Variants in AATF observed in about 807,000 individuals in gnomAD.
AATF encodes protein AATF.
A neutral mutation model predicts 63.7 loss-of-function variants in AATF; 48 were observed. That is an observed-to-expected ratio of 0.75 (90% CI 0.60 to 0.96). AATF has a LOEUF of 0.96. Among genes scored for constraint, AATF ranks in the 40% least tolerant of loss-of-function variants. AATF has a pLI of 0.00. For missense variants in AATF, 639 were observed against 685.7 expected (o/e 0.93, Z 0.76); for synonymous variants, 258 against 247.7 (o/e 1.04, Z -0.39).
chr17:37,022,113 C>CGTGTTT (rs1555652537), intron 10 of AATF, among the ~76,000 whole-genome samples: 90 of 145,434 alleles, frequency 6.2e-4, no homozygotes, highest in African/African-American at 2.1e-3. Context: ...TGGTAACTGC[C>CGTGTTT]GTGTGTGTGT....
intron 11 of AATF, among the ~76,000 whole-genome samples, chr17:37,044,546 AT>A (rs755607543): frequency 4.6e-5 from 7 of 152,258 alleles, no homozygotes; most frequent in Non-Finnish European, 8.8e-5. Context: ...CTCCTGCTAT[AT>A]ACTATATACT....
intron 8 of AATF, among the ~76,000 whole-genome samples, chr17:37,003,471 CTTTTTTTTTTT>C (rs1163393533): frequency 9.3e-5 from 9 of 96,646 alleles, no homozygotes; most frequent in African/African-American, 4.3e-4. Context: ...TTGACAAGAA[CTTTTTTTTTTT>C]TTTTTTTTTT....
chr17:36,999,469 A>G (rs1246428278), intron 8 of AATF, among the ~76,000 whole-genome samples: 1 of 152,214 alleles, frequency 6.6e-6, no homozygotes, highest in Admixed American at 6.5e-5. Context: ...TCAAGTGCTA[A>G]GTAACCACAT....
intron 11 of AATF, among the ~76,000 whole-genome samples, chr17:37,037,941 C>T (rs945442501): frequency 6.6e-6 from 1 of 152,176 alleles, no homozygotes; most frequent in African/African-American, 2.4e-5. Flanking sequence ...CTGCTGTGGC[C>T]TTGTGAGGCA....
At chr17:37,051,697 GAC>G (rs59773430) in intron 11 of AATF, among the ~76,000 whole-genome samples, 3,491 of 136,946 alleles carry the variant, frequency 0.025, 56 homozygotes, top group Non-Finnish European at 0.037. Context: ...CAGACAGACA[GAC>G]ACACACACAC....
At chr17:37,051,814 AT>A (rs2071754335) in intron 11 of AATF, among the ~76,000 whole-genome samples, 1 of 152,164 alleles carries the variant, frequency 6.6e-6, no homozygotes, top group Non-Finnish European at 1.5e-5. Context: ...TATAGTAAAA[AT>A]ATTAAATTAG....
chr17:36,956,478 G>A (rs2070900868), intron 4 of AATF, among the ~76,000 whole-genome samples: 1 of 152,162 alleles, frequency 6.6e-6, no homozygotes, highest in African/African-American at 2.4e-5. Context: ...TTTGAGCCCA[G>A]CCTGGCCAAT....
At chr17:36,973,575 A>G (rs1311379169) in intron 4 of AATF, among the ~76,000 whole-genome samples, 1 of 152,248 alleles carries the variant, frequency 6.6e-6, no homozygotes. Context: ...GAGCACAAGA[A>G]GTAGACATGT....
Position 36,953,180 on chromosome 17 carries a change from G to A in AATF, c.578G>A (p.Ser193Asn). Residue 193 changes from serine (S) to asparagine (N), a missense_variant, in exon 3 of 12, where the codon AGT becomes AAT. Ser to Asn is a conservative substitution (Grantham distance 46). Coordinates refer to ENST00000619387, the MANE Select transcript of AATF (RefSeq NM_012138.4). ...GDDAEDSQGE[S>N]EEDRAGDRNS... ...GACGCGGAAGACTCCCAAGGCGAGA[G>A]TGAGGAAGACAGGGCTGGAGATAGA... 2 of 1,614,244 alleles carry A rather than the reference G, an allele frequency of 1.2e-6. No homozygotes were observed. Among genetic ancestry groups the A allele is most frequent in the Non-Finnish European group, 1.7e-6 (2 of 1,180,050 alleles).
intron 11 of AATF, among the ~76,000 whole-genome samples, chr17:37,047,380 G>C (rs1355693552): frequency 6.6e-6 from 1 of 151,918 alleles, no homozygotes; most frequent in African/African-American, 2.4e-5. Context: ...TGGAAGTTTT[G>C]AGTATTTTTC....
chr17:36,949,196 C>T lies in AATF; in HGVS notation c.71C>T (p.Pro24Leu), dbSNP rs764863894. The change falls in exon 1 of 12, where the codon CCT becomes CTT. Residue 24 changes from proline (P) to leucine (L), a missense_variant. By Grantham distance (98) the Pro-to-Leu change is moderately conservative (BLOSUM62 -3). Transcript: ENST00000619387. ...LLNPRPSEAD[P>L]EADPEEATAA... ...AACCCGCGACCAAGCGAGGCGGACC[C>T]TGAAGCGGACCCCGAGGAAGGTGAG... 16 of 1,592,978 alleles carry T rather than the reference C, an allele frequency of 1.0e-5. No homozygotes were observed. In the African/African-American group the frequency reaches 2.0e-4, roughly 20 times the overall value.
intron 8 of AATF, among the ~76,000 whole-genome samples, chr17:37,002,511 CAAA>C (rs942463235): frequency 1.6e-5 from 2 of 123,914 alleles, no homozygotes; most frequent in East Asian, 4.6e-4. Flanking sequence ...ACTAAAAATA[CAAA>C]AAAAAAAAAA....
intron 9 of AATF, among the ~76,000 whole-genome samples, 183 bp from the exon 10 acceptor site, chr17:37,020,751 G>GT (rs2071462786): frequency 6.6e-6 from 1 of 152,170 alleles, no homozygotes; most frequent in Non-Finnish European, 1.5e-5. Flanking sequence ...GCTGCCGTTT[G>GT]TTTTTTTACC....
chr17:37,038,417 C>T (rs1164933653), intron 11 of AATF, among the ~76,000 whole-genome samples: 1 of 152,132 alleles, frequency 6.6e-6, no homozygotes, highest in African/African-American at 2.4e-5. Flanking sequence ...TGGGAAGGGA[C>T]ATTCATGTGA....
intron 8 of AATF, among the ~76,000 whole-genome samples, chr17:36,992,401 A>G (rs1490608882): frequency 2.0e-5 from 3 of 152,134 alleles, no homozygotes; most frequent in East Asian, 1.9e-4. Context: ...AAGGAACTCT[A>G]TTTTGTTCTA....
chr17:37,043,357 A>AC (rs2071659945), intron 11 of AATF: 1 of 151,094 alleles, frequency 6.6e-6, no homozygotes, highest in African/African-American at 2.4e-5. Flanking sequence ...AGCATCTCCC[A>AC]CCCCCGTCTC....
chr17:37,056,774 A>G lies in AATF; in HGVS notation c.*110A>G. ...TGAGCTAGTAGGGAAGCCCCTGGAA[A>G]GATGCTGCGTTCCGAACCTGTGCCT... On this transcript the variant is annotated 3_prime_UTR_variant, in exon 12 of 12. Transcript: ENST00000619387. 1 of 1,231,252 alleles carries G rather than the reference A, an allele frequency of 8.1e-7. No individual in the cohort carries two copies. Among genetic ancestry groups the G allele is most frequent in the Non-Finnish European group, 1.2e-6 (1 of 862,838 alleles). 76.3% of individuals were successfully genotyped at this position (1,231,252 alleles called of 1,614,324 possible).
At chr17:37,040,717 G>C (rs185865943) in intron 11 of AATF, among the ~76,000 whole-genome samples, 14 of 122,786 alleles carry the variant, frequency 1.1e-4, no homozygotes, top group South Asian at 7.4e-4. Context: ...AACTTATTTG[G>C]GGGGGGGAAC....
At chr17:37,013,165 G>A (rs574550590) in intron 8 of AATF, among the ~76,000 whole-genome samples, 2 of 152,172 alleles carry the variant, frequency 1.3e-5, no homozygotes, top group Non-Finnish European at 2.9e-5. Flanking sequence ...CAAAGGGTCT[G>A]AATAGACATT....
Sources: gnomAD v4.1 joint callset for allele counts (sites outside exome capture counted in the v4.1 genomes callset) on GRCh38, gnomAD v4.1.1 for gene constraint, MANE v1.5 for transcripts, NCBI Gene and HGNC (gene_info 2026-07-23, HGNC 2026-07-21) for gene names.